KYNU: variants seen among roughly 807,000 people sequenced by gnomAD.
The protein encoded by KYNU is kynureninase.
Under a neutral mutation model 59.2 loss-of-function variants are expected in KYNU, and 54 were observed. The observed-to-expected ratio is 0.91, with a 90% CI of 0.73 to 1.14. The LOEUF (loss-of-function observed/expected upper bound fraction) is 1.14. Among genes scored for constraint, KYNU ranks in the 50% most tolerant of loss-of-function variants. KYNU has a pLI of 0.00. For synonymous variants in KYNU, 177 were observed against 192.0 expected, an observed-to-expected ratio of 0.92 and a Z score of 0.65; for missense variants, 567 against 554.4, an observed-to-expected ratio of 1.02 and a Z score of -0.23.
chr2:143,033,391 G>T (rs1686813043), intron 12 of KYNU, 70 bp downstream of exon 12: 2 of 1,072,774 alleles, frequency 1.9e-6, no homozygotes, highest in Admixed American at 3.4e-5. Flanking sequence ...ACAATTCATA[G>T]TACTTTCTCT....
chr2:142,918,184 T>G (rs980509415), intron 2 of KYNU, among the ~76,000 whole-genome samples: 3 of 152,210 alleles, frequency 2.0e-5, no homozygotes, highest in African/African-American at 7.2e-5. Context: ...ATTTGCATTT[T>G]TTAAAAAAAT....
intron 5 of KYNU, 35 bp from the exon 6 acceptor site, chr2:142,956,168 A>G: frequency 8.8e-7 from 1 of 1,141,378 alleles, no homozygotes. Flanking sequence ...TAAATTGTGT[A>G]TTAATGCTTT....
At chr2:142,986,114 C>T (rs1299918690) in intron 10 of KYNU, 93 bp downstream of exon 10, 3 of 844,170 alleles carry the variant, frequency 3.6e-6, no homozygotes, top group South Asian at 2.8e-5. Context: ...AAGATGCTAT[C>T]CAATAGGAAT....
chr2:143,045,857 T>A lies in KYNU; in HGVS notation c.*3685T>A, dbSNP rs894167778. ...AAAACATATGTGTTTTCAGTTCTCATGGAACAAGCAGCTTAGTAGGAGAAA... is the reference window on the plus strand; with the variant it reads ...AAAACATATGTGTTTTCAGTTCTCAAGGAACAAGCAGCTTAGTAGGAGAAA... On this transcript the variant is annotated 3_prime_UTR_variant, in exon 14 of 14. Coordinates refer to ENST00000264170, the MANE Select transcript of KYNU (RefSeq NM_003937.3). 2 of 152,086 alleles carry A rather than the reference T, an allele frequency of 1.3e-5. No individual in the cohort carries two copies. The highest frequency in any genetic ancestry group is 1.5e-5 in the Non-Finnish European group (1 of 68,018). The allele number at this position is 152,086 out of a possible 1,614,324, so 9.4% of individuals were successfully genotyped here. A position where few individuals can be genotyped will look rare whatever the true frequency, so the allele number is the denominator to read the frequency against.
intron 10 of KYNU, among the ~76,000 whole-genome samples, chr2:142,986,479 C>A (rs1216768066): frequency 1.3e-5 from 2 of 151,872 alleles, no homozygotes; most frequent in African/African-American, 2.4e-5. Flanking sequence ...TAGGGAATAT[C>A]TTCTGTCCTA....
chr2:142,985,937 T>C lies in KYNU; in HGVS notation c.829-11T>C. 1 of 1,579,684 alleles carries C rather than the reference T, an allele frequency of 6.3e-7. No individual in the cohort carries two copies. The highest frequency in any genetic ancestry group is 8.7e-7 in the Non-Finnish European group (1 of 1,150,074). ...AGTAAACCCACATAATTTAATTTAT[T>C]TTCAATCTAGTATTTAAATGCAGGA... On this transcript the variant is annotated splice_polypyrimidine_tract_variant and intron_variant, in intron 9 of 13. Transcript: ENST00000264170.
intron 6 of KYNU, among the ~76,000 whole-genome samples, chr2:142,957,192 G>A (rs1485941886): frequency 2.6e-5 from 4 of 151,960 alleles, no homozygotes; most frequent in Non-Finnish European, 5.9e-5. Context: ...ATTCCAGGTC[G>A]GTGTGGGGGC....
rs140841137 is a variant in KYNU, at chr2:142,973,861, A to G, written c.730-11223A>G. ...TAAAGAGATCAGAATCAGATGTGAC[A>G]TAGAAATATGTAAAGAGAATATTGC... On this transcript the variant is annotated intron_variant, in intron 8 of 13. Transcript: ENST00000264170. Among the ~76,000 whole-genome samples the G allele has an allele frequency of 5.9e-5, 9 of 152,328 alleles. No individual in the cohort carries two copies. The East Asian group carries it at 1.7e-3, about 29-fold the overall frequency.
chr2:142,878,670 T>C (rs1681184512), intron 1 of KYNU, among the ~76,000 whole-genome samples: 1 of 152,216 alleles, frequency 6.6e-6, no homozygotes, highest in Non-Finnish European at 1.5e-5. Context: ...CTGAATTCTG[T>C]GATTTCGTTA....
At chr2:142,901,492 T>G (rs1288490167) in intron 2 of KYNU, among the ~76,000 whole-genome samples, 1 of 152,162 alleles carries the variant, frequency 6.6e-6, no homozygotes, top group Admixed American at 6.5e-5. Context: ...TATTTTTCTT[T>G]CCTTTTCTTT....
chr2:142,941,906 C>T (rs988013315), intron 4 of KYNU, among the ~76,000 whole-genome samples: 5 of 152,068 alleles, frequency 3.3e-5, no homozygotes, highest in Admixed American at 6.5e-5. Context: ...CAGTGGCTCA[C>T]GCCTGTAATC....
intron 10 of KYNU, among the ~76,000 whole-genome samples, chr2:143,012,219 C>T (rs886896935): frequency 2.0e-5 from 3 of 152,252 alleles, no homozygotes; most frequent in South Asian, 2.1e-4. Flanking sequence ...CGATGACTCA[C>T]GCCTGTAATC....
intron 3 of KYNU, among the ~76,000 whole-genome samples, chr2:142,922,407 AG>A (rs1682912683): frequency 6.6e-6 from 1 of 152,030 alleles, no homozygotes; most frequent in South Asian, 2.1e-4. Flanking sequence ...CGTGAGGTTG[AG>A]GTGGGAGGAT....
intron 12 of KYNU, among the ~76,000 whole-genome samples, chr2:143,035,299 A>G (rs1172335873): frequency 1.3e-5 from 2 of 152,198 alleles, no homozygotes; most frequent in African/African-American, 4.8e-5. Context: ...ATTTCTCTGG[A>G]TCTTCTAATC....
chr2:142,944,932 G>T (rs1168693907), intron 4 of KYNU, among the ~76,000 whole-genome samples: 1 of 152,160 alleles, frequency 6.6e-6, no homozygotes, highest in Non-Finnish European at 1.5e-5. Flanking sequence ...AGTCTATTAA[G>T]TATGCAATAG....
chr2:142,993,102 T>G (rs1685449141), intron 10 of KYNU, among the ~76,000 whole-genome samples: 1 of 152,040 alleles, frequency 6.6e-6, no homozygotes, highest in Non-Finnish European at 1.5e-5. Context: ...AATGCAATAC[T>G]AACTAAGTGA....
At position 142,986,078 on chromosome 2, in the gene KYNU, A is replaced by T. The variant is rs555995571; in HGVS notation, c.902+57A>T. 5.9e-6 allele frequency: 7 copies of T among 1,195,512 alleles called. No individual in the cohort carries two copies. In the South Asian group the frequency reaches 8.6e-5, roughly 15 times the overall value. The allele number at this position is 1,195,512 out of a possible 1,614,324, so 74.1% of individuals were successfully genotyped here. A position where few individuals can be genotyped will look rare whatever the true frequency, so the allele number is the denominator to read the frequency against. On this transcript the variant is annotated intron_variant, in intron 10 of 13. Coordinates refer to ENST00000264170, the MANE Select transcript of KYNU (RefSeq NM_003937.3). Reference sequence around the variant, plus strand: ...ATGAACAAATTAATTTGCATTAATAATATGTTAAATTTACATGAGTTCCTT... The same window carrying T: ...ATGAACAAATTAATTTGCATTAATATTATGTTAAATTTACATGAGTTCCTT...
At position 143,021,165 on chromosome 2, in the gene KYNU, G is replaced by A. The variant is rs577956422; in HGVS notation, c.903-8462G>A. 5.0e-4 allele frequency among the ~76,000 whole-genome samples: 76 copies of A among 151,950 alleles called. 1 individual carries two copies. Among genetic ancestry groups the A allele is most frequent in the African/African-American group, 1.8e-3 (74 of 41,444 alleles). On this transcript the variant is annotated intron_variant, in intron 10 of 13. Coordinates refer to ENST00000264170, the MANE Select transcript of KYNU (RefSeq NM_003937.3). Reference sequence around the variant, plus strand: ...GCCTTATTGATCTATATGTACTCTTGTACTAGAAAGATTAACCCTTTTTAA... The same window carrying A: ...GCCTTATTGATCTATATGTACTCTTATACTAGAAAGATTAACCCTTTTTAA...
intron 11 of KYNU, among the ~76,000 whole-genome samples, chr2:143,032,890 G>C (rs1199750132): frequency 6.6e-6 from 1 of 152,058 alleles, no homozygotes; most frequent in Non-Finnish European, 1.5e-5. Flanking sequence ...CATTGACATG[G>C]TTTCATAATA....
Sources: gnomAD v4.1 joint callset for allele counts (sites outside exome capture counted in the v4.1 genomes callset) on GRCh38, gnomAD v4.1.1 for gene constraint, MANE v1.5 for transcripts, NCBI Gene and HGNC (gene_info 2026-07-23, HGNC 2026-07-21) for gene names.